Variants in ZMYM2 observed in about 807,000 individuals in gnomAD.
ZMYM2 encodes the protein zinc finger MYM-type protein 2.
Under a neutral mutation model 162.8 loss-of-function variants are expected in ZMYM2, and 56 were observed. That is an observed-to-expected ratio of 0.34 (90% CI 0.28 to 0.43). The LOEUF (loss-of-function observed/expected upper bound fraction) is 0.43, where lower values mean the gene tolerates loss of function less well. Among genes scored for constraint, ZMYM2 ranks in the 20% least tolerant of loss-of-function variants. ZMYM2 has a pLI of 1.00. For synonymous variants in ZMYM2, 510 were observed against 541.6 expected, an observed-to-expected ratio of 0.94 and a Z score of 0.81; for missense variants, 1,275 against 1,621.8, an observed-to-expected ratio of 0.79 and a Z score of 3.67.
chr13:19,992,924 A>G (rs1282706919), intron 2 of ZMYM2, 139 bp from the exon 3 acceptor site: 13 of 966,264 alleles, frequency 1.3e-5, no homozygotes, highest in Non-Finnish European at 1.5e-5. Context: ...GATATCACAT[A>G]TTTTCCTGAA....
intron 12 of ZMYM2, among the ~76,000 whole-genome samples, chr13:20,047,022 A>T (rs1260413969): frequency 6.6e-6 from 1 of 152,180 alleles, no homozygotes; most frequent in Non-Finnish European, 1.5e-5. Flanking sequence ...TCTTTGTATA[A>T]TATACATAAT....
the ZMYM2 span, among the ~76,000 whole-genome samples, chr13:19,922,214 C>A: frequency 6.6e-6 from 1 of 152,148 alleles, no homozygotes; most frequent in Non-Finnish European, 1.5e-5. Context: ...CAGGCCTGGC[C>A]ACAGGTGGAT....
chr13:20,086,811 G>A lies in ZMYM2; in HGVS notation c.*797G>A, dbSNP rs1958302010. On this transcript the variant is annotated 3_prime_UTR_variant, in exon 25 of 25. Coordinates refer to ENST00000610343, the MANE Select transcript of ZMYM2 (RefSeq NM_197968.4). ...TATATATATATATAAATGATTGTAA[G>A]TTGAAAACAAGATCATCAAGACATT... is the stretch of plus-strand genomic sequence containing the variant. 1 of 152,322 alleles carries A rather than the reference G, an allele frequency of 6.6e-6. No homozygotes were observed. Among genetic ancestry groups the A allele is most frequent in the Non-Finnish European group, 1.4e-5 (1 of 70,526 alleles). The allele number at this position is 152,322 out of a possible 1,614,324, so 9.4% of individuals were successfully genotyped here. A position where few individuals can be genotyped will look rare whatever the true frequency, so the allele number is the denominator to read the frequency against.
At chr13:19,869,945 C>T in the ZMYM2 span, among the ~76,000 whole-genome samples, 1 of 152,264 alleles carries the variant, frequency 6.6e-6, no homozygotes, top group East Asian at 1.9e-4. Flanking sequence ...CTTATCGTGT[C>T]TGTTATTGTA....
chr13:19,902,050 A>C, the ZMYM2 span, among the ~76,000 whole-genome samples: 5 of 152,104 alleles, frequency 3.3e-5, no homozygotes, highest in Admixed American at 2.0e-4. Context: ...CAGCCTCCCA[A>C]AGGTATTGGG....
At chr13:19,884,356 A>T in the ZMYM2 span, among the ~76,000 whole-genome samples, 1 of 152,152 alleles carries the variant, frequency 6.6e-6, no homozygotes, top group African/African-American at 2.4e-5. Context: ...CAGAAAAAGC[A>T]CGACGTCAGT....
intron 10 of ZMYM2, among the ~76,000 whole-genome samples, chr13:20,032,599 C>CTTTTTTTTT (rs57294389): frequency 9.1e-5 from 6 of 66,032 alleles, no homozygotes; most frequent in African/African-American, 1.4e-4. Context: ...TTTTTTCTGT[C>CTTTTTTTTT]TTTTTTTTTT....
the ZMYM2 span, among the ~76,000 whole-genome samples, chr13:19,892,924 A>G: frequency 2.8e-4 from 43 of 151,398 alleles, 1 homozygote; most frequent in African/African-American, 9.5e-4. Flanking sequence ...CATGTTGGCC[A>G]GGCTGGTCTT....
intron 16 of ZMYM2, 113 bp from the exon 17 acceptor site, chr13:20,060,940 G>A: frequency 9.8e-7 from 1 of 1,023,970 alleles, no homozygotes; most frequent in Non-Finnish European, 1.4e-6. Context: ...TCTTTTCAAA[G>A]CTTTTATCCA....
At chr13:19,931,493 C>T in the ZMYM2 span, among the ~76,000 whole-genome samples, 4 of 152,220 alleles carry the variant, frequency 2.6e-5, no homozygotes, top group African/African-American at 9.6e-5. Flanking sequence ...CCTCTCCCAA[C>T]CCCTGGCAAC....
At chr13:20,005,663 A>G (rs1950684466) in intron 5 of ZMYM2, among the ~76,000 whole-genome samples, 1 of 152,236 alleles carries the variant, frequency 6.6e-6, no homozygotes, top group Non-Finnish European at 1.5e-5. Context: ...ATTGTGTTAA[A>G]TAAAAAGTAA....
Position 19,978,708 on chromosome 13 carries a change from C to T in ZMYM2, c.-10-14355C>T, listed in dbSNP as rs991373521. On this transcript the variant is annotated intron_variant, in intron 2 of 24. Coordinates refer to ENST00000610343, the MANE Select transcript of ZMYM2 (RefSeq NM_197968.4). The stretch of plus-strand genomic sequence containing the variant: ...GGGATTACAGGTGTGAGCCACCGTT[C>T]CCAGCCTAAAATTACTGTTTTGTGC... Among the ~76,000 whole-genome samples the T allele has an allele frequency of 1.6e-4, 25 of 152,140 alleles. 1 individual carries two copies. Among genetic ancestry groups the T allele is most frequent in the Non-Finnish European group, 5.9e-5 (4 of 68,022 alleles).
intron 21 of ZMYM2, among the ~76,000 whole-genome samples, chr13:20,079,120 A>G (rs1400235153): frequency 6.6e-6 from 1 of 151,684 alleles, no homozygotes; most frequent in Non-Finnish European, 1.5e-5. Context: ...AGAGATGGAG[A>G]CCATCCTGGC....
At chr13:19,929,281 C>G in the ZMYM2 span, among the ~76,000 whole-genome samples, 7 of 151,956 alleles carry the variant, frequency 4.6e-5, no homozygotes, top group African/African-American at 7.3e-5. Context: ...CTCTGTCGCC[C>G]AGGTTGGAGT....
intron 17 of ZMYM2, among the ~76,000 whole-genome samples, chr13:20,062,316 G>A (rs1956292452): frequency 6.6e-6 from 1 of 152,206 alleles, no homozygotes; most frequent in African/African-American, 2.4e-5. Context: ...TGTGTATACA[G>A]ATGTCTTTCT....
chr13:20,083,536 A>G, intron 23 of ZMYM2, 120 bp from the exon 24 acceptor site: 1 of 732,516 alleles, frequency 1.4e-6, no homozygotes, highest in Non-Finnish European at 2.2e-6. Flanking sequence ...ACCAGAAGCC[A>G]TAACTTAAAA....
intron 12 of ZMYM2, among the ~76,000 whole-genome samples, chr13:20,048,543 A>G (rs1162818337): frequency 6.6e-6 from 1 of 151,932 alleles, no homozygotes; most frequent in Non-Finnish European, 1.5e-5. Flanking sequence ...TTTCGTATTC[A>G]TGGTTCTCCC....
At chr13:20,008,995 CA>C (rs937477017) in intron 6 of ZMYM2, among the ~76,000 whole-genome samples, 28 of 151,776 alleles carry the variant, frequency 1.8e-4, no homozygotes, top group African/African-American at 6.3e-4. Flanking sequence ...ATCAGGTCTT[CA>C]AAAACCAGGG....
chr13:19,886,410 G>A, the ZMYM2 span, among the ~76,000 whole-genome samples: 1 of 151,584 alleles, frequency 6.6e-6, no homozygotes, highest in African/African-American at 2.4e-5. Context: ...TGATCTGCCT[G>A]CCTCGGCCTC....
Sources: gnomAD v4.1 joint callset for allele counts (sites outside exome capture counted in the v4.1 genomes callset) on GRCh38, gnomAD v4.1.1 for gene constraint, MANE v1.5 for transcripts, NCBI Gene and HGNC (gene_info 2026-07-23, HGNC 2026-07-21) for gene names.